COMP: variants seen among roughly 807,000 people sequenced by gnomAD.
The protein encoded by COMP is cartilage oligomeric matrix protein.
In COMP, 79 loss-of-function variants were observed where a neutral mutation model predicts 95.8. That is an observed-to-expected ratio of 0.82 (90% CI 0.69 to 0.99). The LOEUF (loss-of-function observed/expected upper bound fraction) is 0.99, where lower values mean the gene tolerates loss of function less well. Ranked by LOEUF, COMP falls within the 50% of genes least tolerant of loss-of-function variation. The pLI is 0.00. For missense variants in COMP, 906 were observed against 1,076.1 expected (o/e 0.84, Z 2.21); for synonymous variants, 438 against 433.9 (o/e 1.01, Z -0.12).
Position 18,789,065 on chromosome 19 carries a change from C to T in COMP, c.528+95G>A. The T allele has an allele frequency of 2.6e-6, 4 of 1,549,680 alleles. No homozygotes were observed. The highest frequency in any genetic ancestry group is 3.5e-6 in the Non-Finnish European group (4 of 1,144,114). On this transcript the variant is annotated intron_variant, in intron 5 of 18. Coordinates refer to ENST00000222271, the MANE Select transcript of COMP (RefSeq NM_000095.3). This position sits in a 1 kb window ranked among gnomAD's most constrained non-coding sequence, Gnocchi z 6.1. ...GCGGACCCCTCCTCTCCCCACCCCTCCCGCTGGAAGGAGGCTGGAAGAGGA... is the reference window on the plus strand; with the variant it reads ...GCGGACCCCTCCTCTCCCCACCCCTTCCGCTGGAAGGAGGCTGGAAGAGGA...
At chr19:18,785,586 G>A (rs1568554507) in intron 14 of COMP, 40 bp from the exon 15 acceptor site, 1 of 1,613,936 alleles carries the variant, frequency 6.2e-7, no homozygotes, top group Non-Finnish European at 8.5e-7. Context: ...GGCTGGCCGT[G>A]ACAGCCCTAG....
intron 1 of COMP, 78 bp from the exon 2 acceptor site, chr19:18,791,013 C>T: frequency 1.3e-6 from 2 of 1,535,460 alleles, no homozygotes; most frequent in Non-Finnish European, 1.8e-6. Flanking sequence ...GCAGCGAACC[C>T]GGACCTCCGA....
chr19:18,787,846 T>TTTTTTC lies in COMP; in HGVS notation c.976-202_976-197dup, dbSNP rs373259295. Among the ~76,000 whole-genome samples the TTTTTTC allele has an allele frequency of 7.8e-3, 354 of 45,498 alleles. 7 individuals carry two copies. The highest frequency in any genetic ancestry group is 0.018 in the Admixed American group (90 of 5,130). 29.8% of individuals were successfully genotyped at this position (45,498 alleles called of 152,430 possible). A position where few individuals can be genotyped will look rare whatever the true frequency, so the allele number is the denominator to read the frequency against. ...GCCCCGCTCACAGCTCTGTCTTTTC[T>TTTTTTC]TTTTTCTTTTTCTTTTTCTCTTTCT... On this transcript the variant is annotated intron_variant, in intron 9 of 18. Coordinates refer to ENST00000222271, the MANE Select transcript of COMP (RefSeq NM_000095.3).
rs2145903315 is a variant in COMP at position 18,788,383 on chromosome 19, A to G, written c.867+27T>C. Reference sequence around the variant, plus strand: ...GAAGTCCCGCCCTCCCTCCTGCCCAAGCCCGCCCCGCTCCGCCCCCACCCA... The same window carrying G: ...GAAGTCCCGCCCTCCCTCCTGCCCAGGCCCGCCCCGCTCCGCCCCCACCCA... On this transcript the variant is annotated intron_variant, in intron 8 of 18. Coordinates refer to ENST00000222271, the MANE Select transcript of COMP (RefSeq NM_000095.3). The surrounding 1 kb of genome is among the most constrained non-coding windows in gnomAD (Gnocchi z 4.7). 2.5e-6 allele frequency: 4 copies of G among 1,592,474 alleles called. No homozygotes were observed. Among genetic ancestry groups the G allele is most frequent in the Non-Finnish European group, 3.4e-6 (4 of 1,166,754 alleles).
chr19:18,783,745 G>A (rs1307774390), intron 17 of COMP, among the ~76,000 whole-genome samples: 1 of 152,070 alleles, frequency 6.6e-6, no homozygotes, highest in Non-Finnish European at 1.5e-5. Context: ...GAGTAGCCGG[G>A]ATGACAGGGC....
chr19:18,788,280 C>A lies in COMP; in HGVS notation c.907G>T (p.Val303Leu). 1 of 1,613,098 alleles carries A rather than the reference C, an allele frequency of 6.2e-7. No homozygotes were observed. Among genetic ancestry groups the A allele is most frequent in the East Asian group, 2.2e-5 (1 of 44,872 alleles). The change falls in exon 9 of 19, where the codon GTG becomes TTG. Residue 303 changes from valine (V) to leucine (L), a missense_variant. Physicochemically the swap from Val to Leu is conservative, Grantham distance 32. Coordinates refer to ENST00000222271, the MANE Select transcript of COMP (RefSeq NM_000095.3). This position sits in a 1 kb window ranked among gnomAD's most constrained non-coding sequence, Gnocchi z 4.7. ...VTVPNSGQEDVDRDGIGDACD... is the reference protein window; with the variant it reads ...VTVPNSGQEDLDRDGIGDACD... ...GCGTCTCCGATGCCATCGCGGTCCA[C>A]ATCCTCCTGCCCTGAGTTGGGCACA...
In COMP at chr19:18,785,072, C is replaced by A; in HGVS notation, c.1738G>T (p.Val580Leu). 6.2e-7 allele frequency: 1 copy of A among 1,614,086 alleles called. No homozygotes were observed. The highest frequency in any genetic ancestry group is 8.5e-7 in the Non-Finnish European group (1 of 1,179,990). ...LAVGYTAFNG[V>L]DFEGTFHVNT... ...ACATGGAACGTGCCCTCGAAGTCCA[C>A]GCCATTGAAGGCAGTGTAACCTAGG... Residue 580 changes from valine to leucine, a missense_variant, in exon 16 of 19, where the codon GTG (valine) becomes TTG (leucine). By Grantham distance (32) the Val-to-Leu change is conservative. Coordinates refer to ENST00000222271, the MANE Select transcript of COMP (RefSeq NM_000095.3).
intron 9 of COMP, 127 bp from the exon 10 acceptor site, chr19:18,787,777 G>A: frequency 1.6e-6 from 2 of 1,272,378 alleles, no homozygotes; most frequent in Middle Eastern, 1.8e-4. Context: ...AGACCACGGA[G>A]GCCACGCCCC....
chr19:18,790,845 C>G lies in COMP; in HGVS notation c.165+5G>C. On this transcript the variant is annotated splice_donor_5th_base_variant and intron_variant, in intron 2 of 18. Transcript: ENST00000222271. ...CACTCCCTGCCCCGCACCCGGGCCC[C>G]GCACCTGCTGCCGCAGCAGCTCCCG... is the stretch of plus-strand genomic sequence containing the variant. 2 of 1,558,960 alleles carry G rather than the reference C, an allele frequency of 1.3e-6. No individual in the cohort carries two copies. The highest frequency in any genetic ancestry group is 1.7e-6 in the Non-Finnish European group (2 of 1,154,782).
In COMP at chr19:18,788,221, G is replaced by A. The variant is rs1209580045; in HGVS notation, c.966C>T (p.Pro322=). The A allele has an allele frequency of 2.4e-5, 38 of 1,612,710 alleles. No individual in the cohort carries two copies. Among genetic ancestry groups the A allele is most frequent in the Non-Finnish European group, 2.8e-5 (33 of 1,179,816 alleles). Residue 322 remains proline (P), a synonymous_variant, in exon 9 of 19, where the codon CCC becomes CCT. Transcript: ENST00000222271. This position sits in a 1 kb window ranked among gnomAD's most constrained non-coding sequence, Gnocchi z 4.7. ...CGAGCCGTAGATCTACCTTTTCATT[G>A]GGGACCCCGTCCCCGTCGGCATCCG... is the stretch of plus-strand genomic sequence containing the variant. ...CDPDADGDGV[P]NEKDNCPLVR... is the part of the protein sequence containing the mutation.
In COMP at chr19:18,789,612, C is replaced by G. The variant is rs897666214; in HGVS notation, c.391-315G>C. Among the ~76,000 whole-genome samples the G allele has an allele frequency of 6.6e-6, 1 of 151,616 alleles. No homozygotes were observed. The highest frequency in any genetic ancestry group is 1.5e-5 in the Non-Finnish European group (1 of 67,912). On this transcript the variant is annotated intron_variant, in intron 4 of 18. Transcript: ENST00000222271. This position sits in a 1 kb window ranked among gnomAD's most constrained non-coding sequence, Gnocchi z 6.1. The stretch of plus-strand genomic sequence containing the variant: ...TGGCGGGGGGTCTGGGCGTGCGTTC[C>G]CTGGCTGTGGAAGGGTCGTTGGGAC...
chr19:18,790,923 C>T lies in COMP; in HGVS notation c.92G>A (p.Gly31Asp). The T allele has an allele frequency of 6.4e-7, 1 of 1,562,126 alleles. No individual in the cohort carries two copies. The highest frequency in any genetic ancestry group is 8.7e-7 in the Non-Finnish European group (1 of 1,154,140). The change falls in exon 2 of 19, where the codon GGC (glycine) becomes GAC (aspartate). Residue 31 changes from glycine (G) to aspartate (D), a missense_variant. Coordinates refer to ENST00000222271, the MANE Select transcript of COMP (RefSeq NM_000095.3). ...CTGCAGTTCCCGAAGCATCTGCGGG[C>T]CCAGGTCTGAGCCTGCGGCGGCAGG... is the stretch of plus-strand genomic sequence containing the variant. ...QGQSPLGSDL[G>D]PQMLRELQET...
Position 18,784,475 on chromosome 19 carries a change from C to G in COMP, c.1915-112G>C. 7.8e-7 allele frequency: 1 copy of G among 1,276,006 alleles called. No homozygotes were observed. Among genetic ancestry groups the G allele is most frequent in the Non-Finnish European group, 1.1e-6 (1 of 896,056 alleles). The allele number at this position is 1,276,006 out of a possible 1,614,324, so 79.0% of individuals were successfully genotyped here. On this transcript the variant is annotated intron_variant, in intron 16 of 18. Transcript: ENST00000222271. This position sits in a 1 kb window ranked among gnomAD's most constrained non-coding sequence, Gnocchi z 4.9. ...GCAGGTGGTGGGCGGCCAGGGGGAT[C>G]CGGATGAGAGACCCACAAGGAAGCC... is the stretch of plus-strand genomic sequence containing the variant.
chr19:18,784,620 C>G lies in COMP; in HGVS notation c.1915-257G>C, dbSNP rs1218445413. ...TCAGGGTCTGGGAGGATGGGGGGCT[C>G]TGCAGAAGGACTTGGAAACTAAGGA... On this transcript the variant is annotated intron_variant, in intron 16 of 18. Transcript: ENST00000222271. The surrounding 1 kb of genome is among the most constrained non-coding windows in gnomAD (Gnocchi z 4.9). 1.3e-5 allele frequency among the ~76,000 whole-genome samples: 2 copies of G among 152,042 alleles called. No individual in the cohort carries two copies. Among genetic ancestry groups the G allele is most frequent in the African/African-American group, 4.8e-5 (2 of 41,354 alleles).
intron 15 of COMP, among the ~76,000 whole-genome samples, 183 bp from the exon 16 acceptor site, chr19:18,785,275 C>T (rs558677633): frequency 6.6e-6 from 1 of 152,050 alleles, no homozygotes; most frequent in African/African-American, 2.4e-5. Context: ...CTCCAGAGTC[C>T]ACCTCCACTT....
intron 2 of COMP, 31 bp downstream of exon 2, chr19:18,790,819 G>A (rs1363064553): frequency 1.9e-6 from 3 of 1,554,374 alleles, no homozygotes; most frequent in Non-Finnish European, 1.7e-6. Flanking sequence ...CCGTTCCCTG[G>A]CACTCCCTGC....
intron 17 of COMP, 122 bp from the exon 18 acceptor site, chr19:18,783,315 C>A (rs2055139339): frequency 2.9e-6 from 4 of 1,399,008 alleles, no homozygotes; most frequent in South Asian, 2.6e-5. Context: ...CAAGTGAGGC[C>A]TCTGCCTTGG....
At chr19:18,790,690 T>A (rs1209290653) in intron 2 of COMP, 77 bp from the exon 3 acceptor site, 3 of 1,611,192 alleles carry the variant, frequency 1.9e-6, no homozygotes, top group African/African-American at 2.7e-5. Flanking sequence ...TACCCCGGGG[T>A]CCCTTTCTAC....
Position 18,788,993 on chromosome 19 carries a change from C to G in COMP, c.529-80G>C. The G allele has an allele frequency of 6.4e-7, 1 of 1,559,964 alleles. No individual in the cohort carries two copies. The highest frequency in any genetic ancestry group is 1.1e-5 in the South Asian group (1 of 87,566). On this transcript the variant is annotated intron_variant, in intron 5 of 18. Coordinates refer to ENST00000222271, the MANE Select transcript of COMP (RefSeq NM_000095.3). The surrounding 1 kb of genome is among the most constrained non-coding windows in gnomAD (Gnocchi z 4.7). ...CACCTCCTCCACACTTCCTCCGCAT[C>G]CTGCCTCTCCCCTCCATCCTGCCCC...
Sources: allele counts gnomAD v4.1 joint callset (sites outside exome capture counted in the v4.1 genomes callset), GRCh38; gene constraint gnomAD v4.1.1; non-coding constraint Gnocchi (gnomAD v3.1); transcripts MANE v1.5; gene names NCBI Gene and HGNC (gene_info 2026-07-23, HGNC 2026-07-21).